Variants in DNAH2 observed in about 807,000 individuals in gnomAD.
The protein encoded by DNAH2 is dynein axonemal heavy chain 2.
A neutral mutation model predicts 523.5 loss-of-function variants in DNAH2; 323 were observed. The observed-to-expected ratio is 0.62, with a 90% CI of 0.56 to 0.68. The LOEUF (loss-of-function observed/expected upper bound fraction) is 0.68, where lower values mean the gene tolerates loss of function less well. Among genes scored for constraint, DNAH2 ranks in the 30% least tolerant of loss-of-function variants. The pLI, the probability that DNAH2 is intolerant of heterozygous loss-of-function variation, is 0.00. For missense variants in DNAH2, 4,907 were observed against 5,701.5 expected (o/e 0.86, Z 4.49); for synonymous variants, 2,093 against 2,177.4 (o/e 0.96, Z 1.08).
Position 7,807,456 on chromosome 17 carries a change from C to G in DNAH2, c.9613-14C>G. 3 of 1,612,760 alleles carry G rather than the reference C, an allele frequency of 1.9e-6. No individual in the cohort carries two copies. The highest frequency in any genetic ancestry group is 2.5e-6 in the Non-Finnish European group (3 of 1,179,764). ...TTGGTGGGCGACTCCCACAGCCTGA[C>G]TGTCTCCCCACAGCTGTATGGGCGG... On this transcript the variant is annotated splice_polypyrimidine_tract_variant and intron_variant, in intron 62 of 85. Transcript: ENST00000572933. The surrounding 1 kb of genome is among the most constrained non-coding windows in gnomAD (Gnocchi z 5.6).
At chr17:7,743,844 T>C (rs1227312371) in intron 12 of DNAH2, 1 of 153,336 alleles carries the variant, frequency 6.5e-6, no homozygotes, top group Non-Finnish European at 1.5e-5. Flanking sequence ...TGTCATACTA[T>C]AATTATTTAA....
chr17:7,788,411 T>C (rs1361812934), intron 44 of DNAH2, among the ~76,000 whole-genome samples, 167 bp downstream of exon 44: 1 of 152,196 alleles, frequency 6.6e-6, no homozygotes, highest in Non-Finnish European at 1.5e-5. Context: ...GGGGTGTGTG[T>C]GTGCATGTCT....
chr17:7,815,541 CACACACATATACAGGATCAT>C (rs2077637017), intron 63 of DNAH2, among the ~76,000 whole-genome samples: 4 of 151,852 alleles, frequency 2.6e-5, no homozygotes, highest in African/African-American at 7.3e-5. Context: ...TATACAGGAT[CACACACATATACAGGATCAT>C]ACACACATAT....
intron 50 of DNAH2, 124 bp downstream of exon 50, chr17:7,796,776 C>A: frequency 8.9e-7 from 1 of 1,118,394 alleles, no homozygotes. Context: ...GCTGAAGTGC[C>A]ACACTCCCTG....
chr17:7,733,213 G>A lies in DNAH2; in HGVS notation c.526G>A (p.Gly176Ser), dbSNP rs758169548. 27 of 1,614,054 alleles carry A rather than the reference G, an allele frequency of 1.7e-5. No individual in the cohort carries two copies. The African/African-American group carries it at 1.7e-4, about 10-fold the overall frequency. Residue 176 changes from glycine to serine, a missense_variant, in exon 5 of 86, where the codon GGT (glycine) becomes AGT (serine). By Grantham distance (56) the Gly-to-Ser change is moderately conservative (BLOSUM62 0). This residue lies in a region of DNAH2 where 2,806 missense variants were observed against 3,190.8 expected (regional missense o/e 0.88). Coordinates refer to ENST00000572933, the MANE Select transcript of DNAH2 (RefSeq NM_020877.5). ...PYIPALLRLL[G>S]GVFAPQIFAN... ...TATCCCGGCCCTGCTTCGGCTGCTC[G>A]GTGGAGTCTTTGCCCCTCAGATCTT...
At chr17:7,737,889 C>T (rs529742647) in intron 8 of DNAH2, 62 of 683,242 alleles carry the variant, frequency 9.1e-5, no homozygotes, top group Admixed American at 3.2e-4. Context: ...ACATGAAGCA[C>T]GGGCAGGGGG....
chr17:7,774,164 T>C (rs769482351), intron 28 of DNAH2, among the ~76,000 whole-genome samples: 4 of 152,214 alleles, frequency 2.6e-5, no homozygotes, highest in Non-Finnish European at 5.9e-5. Context: ...GCATCACTAC[T>C]CTTGCACTTT....
Position 7,760,993 on chromosome 17 carries a change from C to T in DNAH2, c.2978+61C>T. 5.0e-6 allele frequency: 8 copies of T among 1,589,408 alleles called. No individual in the cohort carries two copies. Among genetic ancestry groups the T allele is most frequent in the Non-Finnish European group, 6.9e-6 (8 of 1,166,428 alleles). On this transcript the variant is annotated intron_variant, in intron 18 of 85. Coordinates refer to ENST00000572933, the MANE Select transcript of DNAH2 (RefSeq NM_020877.5). The surrounding 1 kb of genome is among the most constrained non-coding windows in gnomAD (Gnocchi z 4.0). ...GGAGGCACAGCACTGCAGGAGGAGC[C>T]CAGGCCTAGAGTCTTGGGAAGTGGG... is the stretch of plus-strand genomic sequence containing the variant.
intron 77 of DNAH2, among the ~76,000 whole-genome samples, chr17:7,826,307 G>A (rs2078016107): frequency 6.6e-6 from 1 of 152,024 alleles, no homozygotes; most frequent in Non-Finnish European, 1.5e-5. Context: ...GGGATTACAG[G>A]TGTGAGCCAC....
At chr17:7,792,148 G>A (rs2076915156) in intron 45 of DNAH2, 79 bp downstream of exon 45, 2 of 1,601,492 alleles carry the variant, frequency 1.2e-6, no homozygotes, top group East Asian at 2.2e-5. Flanking sequence ...GCTCTGCTTG[G>A]GTTTCCCTCT....
Position 7,831,977 on chromosome 17 carries a change from G to C in DNAH2, c.12726+202G>C, listed in dbSNP as rs2078188784. Among the ~76,000 whole-genome samples the C allele has an allele frequency of 6.6e-6, 1 of 152,144 alleles. No homozygotes were observed. The highest frequency in any genetic ancestry group is 1.5e-5 in the Non-Finnish European group (1 of 68,032). ...ACTTATTAACTTACAGACTCACTCA[G>C]GGAAAATTACTAACCTCTCCAAGGA... On this transcript the variant is annotated intron_variant, in intron 82 of 85. Transcript: ENST00000572933. The surrounding 1 kb of genome is among the most constrained non-coding windows in gnomAD (Gnocchi z 4.2).
chr17:7,786,811 G>GTGTA lies in DNAH2; in HGVS notation c.6467-85_6467-82dup. The GTGTA allele has an allele frequency of 6.2e-7, 1 of 1,605,884 alleles. No homozygotes were observed. The highest frequency in any genetic ancestry group is 8.5e-7 in the Non-Finnish European group (1 of 1,174,270). On this transcript the variant is annotated intron_variant, in intron 41 of 85. Transcript: ENST00000572933. This position sits in a 1 kb window ranked among gnomAD's most constrained non-coding sequence, Gnocchi z 7.5. ...CTGGGGAATGCTGAAGTACAAGGGA[G>GTGTA]TGTAGGCTTGTGTCTCCGAGGAGCG...
chr17:7,767,090 C>A (rs1156256899), intron 22 of DNAH2, among the ~76,000 whole-genome samples: 1 of 120,594 alleles, frequency 8.3e-6, no homozygotes, highest in African/African-American at 3.0e-5. Flanking sequence ...CCGCCCCAGT[C>A]CCCCGTCCCC....
chr17:7,738,267 T>C, intron 8 of DNAH2: 1 of 599,486 alleles, frequency 1.7e-6, no homozygotes. Flanking sequence ...TGGCCAAATT[T>C]TCTGTCTGGA....
chr17:7,749,235 G>A (rs2075600235), intron 12 of DNAH2, among the ~76,000 whole-genome samples: 1 of 138,938 alleles, frequency 7.2e-6, no homozygotes, highest in African/African-American at 2.8e-5. Flanking sequence ...TTGAACCTGG[G>A]AGGCAGAGGT....
At position 7,791,975 on chromosome 17, in the gene DNAH2, G is replaced by T; in HGVS notation, c.6959G>T (p.Ser2320Ile). Reference sequence around the variant, plus strand: ...ATGGTAGAGATGACATTTGTGTTCAGCATGATCTGGTCTGTGTGTGCCTCT... The same window carrying T: ...ATGGTAGAGATGACATTTGTGTTCATCATGATCTGGTCTGTGTGTGCCTCT... Reference protein sequence around the residue: ...VTMVEMTFVFSMIWSVCASVD... With the variant: ...VTMVEMTFVFIMIWSVCASVD... The change falls in exon 45 of 86, where the codon AGC becomes ATC. Residue 2320 changes from serine to isoleucine, a missense_variant. Physicochemically the swap from Ser to Ile is moderately radical, Grantham distance 142. Coordinates refer to ENST00000572933, the MANE Select transcript of DNAH2 (RefSeq NM_020877.5). 1 of 1,614,106 alleles carries T rather than the reference G, an allele frequency of 6.2e-7. No individual in the cohort carries two copies. Among genetic ancestry groups the T allele is most frequent in the Non-Finnish European group, 8.5e-7 (1 of 1,180,018 alleles).
intron 13 of DNAH2, among the ~76,000 whole-genome samples, chr17:7,758,005 C>T (rs952062431): frequency 3.3e-5 from 5 of 152,142 alleles, no homozygotes; most frequent in Non-Finnish European, 5.9e-5. Flanking sequence ...TTGGTGGGGA[C>T]ACACACATTC....
Position 7,798,090 on chromosome 17 carries a change from C to T in DNAH2, c.8231-67C>T, listed in dbSNP as rs938530889. 2 of 1,517,084 alleles carry T rather than the reference C, an allele frequency of 1.3e-6. No individual in the cohort carries two copies. Among genetic ancestry groups the T allele is most frequent in the Admixed American group, 2.1e-5 (1 of 47,384 alleles). 94.0% of individuals were successfully genotyped at this position (1,517,084 alleles called of 1,614,324 possible). A position where few individuals can be genotyped will look rare whatever the true frequency, so the allele number is the denominator to read the frequency against. The stretch of plus-strand genomic sequence containing the variant: ...AGTTTCAGGGGCCCCAATCCCTAGC[C>T]TAGGGCCTGGAGGTCCCCTGAGTTT... On this transcript the variant is annotated intron_variant, in intron 53 of 85. Transcript: ENST00000572933. The surrounding 1 kb of genome is among the most constrained non-coding windows in gnomAD (Gnocchi z 5.5).
intron 21 of DNAH2, 147 bp from the exon 22 acceptor site, chr17:7,766,171 C>T (rs979612512): frequency 2.5e-6 from 2 of 784,602 alleles, no homozygotes; most frequent in South Asian, 2.0e-5. Flanking sequence ...AACCGTTATT[C>T]TTTCAACGCG....
Sources: allele counts gnomAD v4.1 joint callset (sites outside exome capture counted in the v4.1 genomes callset), GRCh38; gene constraint gnomAD v4.1.1; regional missense constraint gnomAD v4.1.1; non-coding constraint Gnocchi (gnomAD v3.1); transcripts MANE v1.5; gene names NCBI Gene and HGNC (gene_info 2026-07-23, HGNC 2026-07-21).